The following KCNIP4 variants were observed in gnomAD, a reference collection of about 807,000 sequenced individuals.
The protein encoded by KCNIP4 is Kv channel-interacting protein 4.
Under a neutral mutation model 34.0 loss-of-function variants are expected in KCNIP4, and 12 were observed. The ratio of observed to expected loss-of-function variants is 0.35; its 90% confidence interval spans 0.23 to 0.57. KCNIP4 has a LOEUF of 0.57. KCNIP4 is among the 20% of genes least tolerant of loss of function. KCNIP4 has a pLI of 0.83. For synonymous variants in KCNIP4, 124 were observed against 102.2 expected, an observed-to-expected ratio of 1.21 and a Z score of -1.29; for missense variants, 238 against 311.7, an observed-to-expected ratio of 0.76 and a Z score of 1.78.
chr4:21,000,511 C>T (rs368529486), intron 1 of KCNIP4, among the ~76,000 whole-genome samples: 25 of 152,066 alleles, frequency 1.6e-4, no homozygotes, highest in African/African-American at 5.5e-4. Context: ...ATGGTGGAAC[C>T]CTGTCTCTAC....
At chr4:21,355,044 G>T (rs1718427858) in intron 1 of KCNIP4, among the ~76,000 whole-genome samples, 1 of 152,070 alleles carries the variant, frequency 6.6e-6, no homozygotes, top group Middle Eastern at 3.2e-3. Context: ...GCTCCTGAAT[G>T]ACGACTACTG....
intron 1 of KCNIP4, among the ~76,000 whole-genome samples, chr4:21,652,874 A>C (rs1248410488): frequency 6.6e-6 from 1 of 152,220 alleles, no homozygotes; most frequent in Non-Finnish European, 1.5e-5. Flanking sequence ...ATAATGCAGT[A>C]GGATGTGCTT....
intron 3 of KCNIP4, among the ~76,000 whole-genome samples, chr4:20,846,562 C>T (rs1720405854): frequency 6.6e-6 from 1 of 152,026 alleles, no homozygotes; most frequent in East Asian, 1.9e-4. Context: ...TTAAGGACTT[C>T]AGATTAAAAA....
In KCNIP4 at chr4:21,519,785, A is replaced by ATGTGTGTGTGTATACACGTGTGTGTATG. The variant is rs200025206; in HGVS notation, c.61+428785_61+428786insCATACACACACGTGTATACACACACACA. Among the ~76,000 whole-genome samples the ATGTGTGTGTGTATACACGTGTGTGTATG allele has an allele frequency of 1.6e-4, 20 of 128,576 alleles. No homozygotes were observed. In the South Asian group the frequency reaches 2.9e-3, roughly 19 times the overall value. 84.4% of individuals were successfully genotyped at this position (128,576 alleles called of 152,430 possible). On this transcript the variant is annotated intron_variant, in intron 1 of 8. Transcript: ENST00000382152. ...TATGTGTGTATACACACGTGTGTGT[A>ATGTGTGTGTGTATACACGTGTGTGTATG]TGTGTGTGTATACACGTGTGTGTAT...
intron 1 of KCNIP4, among the ~76,000 whole-genome samples, chr4:21,396,028 T>C (rs1386840157): frequency 6.6e-6 from 1 of 151,752 alleles, no homozygotes; most frequent in Non-Finnish European, 1.5e-5. Context: ...ATACTATATA[T>C]ATACATATAT....
At chr4:21,766,949 A>AT (rs1353126075) in intron 1 of KCNIP4, among the ~76,000 whole-genome samples, 2 of 152,158 alleles carry the variant, frequency 1.3e-5, no homozygotes, top group Non-Finnish European at 2.9e-5. Context: ...TGGGGAATGC[A>AT]TTCTAGTGAA....
At chr4:21,135,550 CT>C (rs763271020) in intron 1 of KCNIP4, among the ~76,000 whole-genome samples, 1 of 152,158 alleles carries the variant, frequency 6.6e-6, no homozygotes, top group Non-Finnish European at 1.5e-5. Context: ...GCAAGTCCTA[CT>C]GAGGATTATT....
At chr4:20,939,936 C>G (rs952177852) in intron 1 of KCNIP4, among the ~76,000 whole-genome samples, 1 of 152,214 alleles carries the variant, frequency 6.6e-6, no homozygotes, top group African/African-American at 2.4e-5. Flanking sequence ...ACTTAGTTCT[C>G]AACCTTGAGC....
intron 1 of KCNIP4, among the ~76,000 whole-genome samples, chr4:21,254,122 T>G (rs1760903632): frequency 6.6e-6 from 1 of 152,208 alleles, no homozygotes; most frequent in Non-Finnish European, 1.5e-5. Flanking sequence ...TGGAACTAGA[T>G]TGAAAATGTT....
chr4:21,231,090 T>C (rs1388039137), intron 1 of KCNIP4, among the ~76,000 whole-genome samples: 1 of 152,146 alleles, frequency 6.6e-6, no homozygotes, highest in South Asian at 2.1e-4. Context: ...CCTCAAGAGA[T>C]AATGCATGTA....
intron 1 of KCNIP4, among the ~76,000 whole-genome samples, chr4:21,706,080 C>CA (rs1290858709): frequency 6.6e-6 from 1 of 152,100 alleles, no homozygotes; most frequent in Non-Finnish European, 1.5e-5. Flanking sequence ...ACAAATATCA[C>CA]AGAGTATTAG....
At chr4:21,657,253 TATTA>T (rs1748035744) in intron 1 of KCNIP4, among the ~76,000 whole-genome samples, 1 of 152,210 alleles carries the variant, frequency 6.6e-6, no homozygotes, top group African/African-American at 2.4e-5. Context: ...TTATTTTATT[TATTA>T]AAGAAATTAA....
At chr4:21,036,098 G>C (rs1435084181) in intron 1 of KCNIP4, among the ~76,000 whole-genome samples, 2 of 152,044 alleles carry the variant, frequency 1.3e-5, no homozygotes, top group Non-Finnish European at 2.9e-5. Context: ...CTTTCTCCTG[G>C]GAACACTTTC....
intron 6 of KCNIP4, among the ~76,000 whole-genome samples, chr4:20,734,110 C>T (rs1393443253): frequency 1.3e-5 from 2 of 152,190 alleles, no homozygotes; most frequent in East Asian, 1.9e-4. Flanking sequence ...CCTTTCTTTA[C>T]TTCTCGCTGT....
chr4:20,879,297 T>C (rs769048854), intron 2 of KCNIP4, among the ~76,000 whole-genome samples: 4 of 152,160 alleles, frequency 2.6e-5, no homozygotes, highest in African/African-American at 7.2e-5. Context: ...CATTAGATGA[T>C]ATCTATTACT....
chr4:20,889,200 G>C (rs1221320722), intron 1 of KCNIP4, among the ~76,000 whole-genome samples: 2 of 152,004 alleles, frequency 1.3e-5, no homozygotes, highest in African/African-American at 4.8e-5. Context: ...TCCTAAGCTG[G>C]CAGCTACAAC....
chr4:21,799,925 T>G (rs1000804081), intron 1 of KCNIP4, among the ~76,000 whole-genome samples: 2 of 152,172 alleles, frequency 1.3e-5, no homozygotes, highest in African/African-American at 2.4e-5. Context: ...ATGACAGAGT[T>G]GAGTAGTTGT....
chr4:21,111,490 C>T (rs77556215), intron 1 of KCNIP4, among the ~76,000 whole-genome samples: 20,874 of 152,142 alleles, frequency 0.14, 1,703 homozygotes, highest in East Asian at 0.23. Context: ...AGGAAGTAGG[C>T]AATCCTTTGA....
chr4:21,708,911 T>C (rs533013128), intron 1 of KCNIP4, among the ~76,000 whole-genome samples: 1 of 152,300 alleles, frequency 6.6e-6, no homozygotes, highest in South Asian at 2.1e-4. Flanking sequence ...TAAAAACAAT[T>C]AGGCCACATA....
Sources: gnomAD v4.1 joint callset for allele counts (sites outside exome capture counted in the v4.1 genomes callset) on GRCh38, gnomAD v4.1.1 for gene constraint, MANE v1.5 for transcripts, NCBI Gene and HGNC (gene_info 2026-07-23, HGNC 2026-07-21) for gene names.